CADPS: variants seen among roughly 807,000 people sequenced by gnomAD.
CADPS encodes the protein calcium dependent secretion activator.
Under a neutral mutation model 167.3 loss-of-function variants are expected in CADPS, and 57 were observed. The observed-to-expected ratio is 0.34, with a 90% CI of 0.28 to 0.42. The LOEUF is 0.42. Among genes scored for constraint, CADPS ranks in the 20% least tolerant of loss-of-function variants. The probability of loss-of-function intolerance (pLI) is 1.00; values close to 1 mark genes in which losing one functional copy is unlikely to be tolerated. For missense variants in CADPS, 1,414 were observed against 1,738.1 expected (o/e 0.81, Z 3.32); for synonymous variants, 676 against 635.3 (o/e 1.06, Z -0.96).
intron 3 of CADPS, among the ~76,000 whole-genome samples, chr3:62,728,639 AATAAC>A (rs1188430542): frequency 6.6e-6 from 1 of 151,904 alleles, no homozygotes; most frequent in Non-Finnish European, 1.5e-5. Flanking sequence ...TCTTAATGAT[AATAAC>A]ATAAGTGACT....
At chr3:62,784,389 T>C (rs1184370494) in intron 1 of CADPS, among the ~76,000 whole-genome samples, 1 of 152,192 alleles carries the variant, frequency 6.6e-6, no homozygotes, top group Non-Finnish European at 1.5e-5. Context: ...AAATAATTCA[T>C]GAGAAAAATT....
intron 24 of CADPS, among the ~76,000 whole-genome samples, chr3:62,467,660 T>A (rs1412485917): frequency 6.6e-6 from 1 of 152,132 alleles, no homozygotes; most frequent in Non-Finnish European, 1.5e-5. Context: ...ACAAAAGAGA[T>A]AATAATACTA....
intron 26 of CADPS, among the ~76,000 whole-genome samples, chr3:62,460,606 T>G (rs187193861): frequency 6.6e-6 from 1 of 152,366 alleles, no homozygotes; most frequent in African/African-American, 2.4e-5. Flanking sequence ...ATGTCATTGA[T>G]TCAGTTTGGG....
chr3:62,498,261 A>G, intron 18 of CADPS: 1 of 443,408 alleles, frequency 2.3e-6, no homozygotes, highest in Admixed American at 2.5e-5. Flanking sequence ...CGTATTATAT[A>G]TTATTTAACT....
intron 22 of CADPS, among the ~76,000 whole-genome samples, chr3:62,480,908 T>C (rs2061927897): frequency 6.6e-6 from 1 of 152,190 alleles, no homozygotes; most frequent in Non-Finnish European, 1.5e-5. Flanking sequence ...AGATTCATTT[T>C]TGAAGCTAGA....
chr3:62,500,808 C>CA (rs200535689), intron 17 of CADPS, among the ~76,000 whole-genome samples: 260 of 149,730 alleles, frequency 1.7e-3, no homozygotes, highest in Non-Finnish European at 3.0e-3. Flanking sequence ...TGCTAATTTA[C>CA]AAAAAAAAAG....
At chr3:62,624,617 T>C (rs2063723719) in intron 6 of CADPS, among the ~76,000 whole-genome samples, 1 of 152,206 alleles carries the variant, frequency 6.6e-6, no homozygotes, top group Non-Finnish European at 1.5e-5. Context: ...CTTCCTGTTT[T>C]ACTGAGAATC....
At chr3:62,529,492 G>A (rs1053833739) in intron 13 of CADPS, among the ~76,000 whole-genome samples, 2 of 152,144 alleles carry the variant, frequency 1.3e-5, no homozygotes, top group African/African-American at 2.4e-5. Context: ...TCACCTTCAG[G>A]CACCTACAAC....
chr3:62,498,120 C>A (rs1387773923), intron 18 of CADPS: 3 of 456,460 alleles, frequency 6.6e-6, no homozygotes, highest in African/African-American at 2.0e-5. Context: ...CAGCAGGTGG[C>A]TGGTTCATTC....
chr3:62,804,707 A>G (rs2093984904), intron 1 of CADPS, among the ~76,000 whole-genome samples: 1 of 152,092 alleles, frequency 6.6e-6, no homozygotes, highest in African/African-American at 2.4e-5. Context: ...CGTATTTGAC[A>G]TAAGTGCTTT....
intron 13 of CADPS, among the ~76,000 whole-genome samples, chr3:62,525,703 G>A (rs201169584): frequency 2.8e-5 from 4 of 143,074 alleles, no homozygotes; most frequent in Admixed American, 7.1e-5. Context: ...GTGTGTGTGT[G>A]TATGTGTGTG....
At chr3:62,617,334 G>A (rs1251256524) in intron 6 of CADPS, among the ~76,000 whole-genome samples, 1 of 152,132 alleles carries the variant, frequency 6.6e-6, no homozygotes, top group Non-Finnish European at 1.5e-5. Context: ...GCTGGAATGG[G>A]TCTTAAGAAT....
chr3:62,687,426 G>A (rs746547753), intron 3 of CADPS, among the ~76,000 whole-genome samples: 2 of 152,024 alleles, frequency 1.3e-5, no homozygotes, highest in African/African-American at 4.8e-5. Context: ...ACAGCCAGGG[G>A]CATTTTATTG....
intron 1 of CADPS, among the ~76,000 whole-genome samples, chr3:62,845,926 C>G (rs77324422): frequency 6.6e-6 from 1 of 152,016 alleles, no homozygotes. Flanking sequence ...ATTGTAATCC[C>G]TAATGTTGAA....
rs1183667384 is a variant in CADPS, at chr3:62,630,628, T to G, written c.1325+15094A>C. On this transcript the variant is annotated intron_variant, in intron 6 of 29. Coordinates refer to ENST00000383710, the MANE Select transcript of CADPS (RefSeq NM_003716.4). ...CCTGGACCTCCCAAAGTGCTGGGAT[T>G]ACAGCCGTGAGCCACCATGCAGTTT... Among the ~76,000 whole-genome samples the G allele has an allele frequency of 2.6e-5, 4 of 152,212 alleles. No individual in the cohort carries two copies. In the East Asian group the frequency reaches 7.7e-4, roughly 29 times the overall value.
chr3:62,752,466 T>C (rs2082915798), intron 3 of CADPS, among the ~76,000 whole-genome samples: 1 of 152,212 alleles, frequency 6.6e-6, no homozygotes. Context: ...AGGTGATATA[T>C]CATAGTTGAT....
At chr3:62,735,578 A>G (rs2078835128) in intron 3 of CADPS, among the ~76,000 whole-genome samples, 2 of 152,138 alleles carry the variant, frequency 1.3e-5, no homozygotes, top group South Asian at 4.1e-4. Context: ...TCCCTTTTCA[A>G]TGCTTGAATC....
At chr3:62,763,204 A>C (rs1361147658) in intron 2 of CADPS, among the ~76,000 whole-genome samples, 1 of 152,182 alleles carries the variant, frequency 6.6e-6, no homozygotes, top group East Asian at 1.9e-4. Flanking sequence ...AAGAAGGGAC[A>C]TATGATCCAT....
chr3:62,862,286 G>A (rs761171227), intron 1 of CADPS, among the ~76,000 whole-genome samples: 8 of 147,358 alleles, frequency 5.4e-5, no homozygotes, highest in Non-Finnish European at 1.2e-4. Context: ...ATGCTATCTC[G>A]GCTCACTGCA....
Sources: gnomAD v4.1 joint callset for allele counts (sites outside exome capture counted in the v4.1 genomes callset) on GRCh38, gnomAD v4.1.1 for gene constraint, MANE v1.5 for transcripts, NCBI Gene and HGNC (gene_info 2026-07-23, HGNC 2026-07-21) for gene names.